Variants in MICU1 observed in about 807,000 individuals in gnomAD.
MICU1 encodes the protein mitochondrial calcium uptake 1.
MICU1 carries 45 observed loss-of-function variants against 56.8 expected under a neutral mutation model. The ratio of observed to expected loss-of-function variants is 0.79; its 90% CI spans 0.62 to 1.02. The LOEUF (loss-of-function observed/expected upper bound fraction) is 1.02, where lower values mean the gene tolerates loss of function less well. Ranked by LOEUF, MICU1 falls within the 50% of genes least tolerant of loss-of-function variation. MICU1 has a pLI of 0.00. For missense variants in MICU1, 504 were observed against 587.1 expected, an observed-to-expected ratio of 0.86 and a Z score of 1.46; for synonymous variants, 186 against 195.1, an observed-to-expected ratio of 0.95 and a Z score of 0.39.
chr10:72,593,319 G>A (rs1420423290), intron 1 of MICU1, among the ~76,000 whole-genome samples: 1 of 151,990 alleles, frequency 6.6e-6, no homozygotes, highest in African/African-American at 2.4e-5. Flanking sequence ...ACAAAAAGCA[G>A]CCAGGCGTGG....
At chr10:72,589,436 C>T (rs113613068) in intron 1 of MICU1, among the ~76,000 whole-genome samples, 3 of 152,270 alleles carry the variant, frequency 2.0e-5, no homozygotes, top group African/African-American at 7.2e-5. Flanking sequence ...GACAAGGTAA[C>T]TCAACATCAT....
At chr10:72,396,131 C>T (rs946947921) in intron 10 of MICU1, among the ~76,000 whole-genome samples, 3 of 152,166 alleles carry the variant, frequency 2.0e-5, no homozygotes, top group African/African-American at 7.2e-5. Context: ...GCTGGTGATA[C>T]CCAGGCAAAC....
intron 1 of MICU1, among the ~76,000 whole-genome samples, chr10:72,608,706 G>A (rs1328559960): frequency 2.0e-5 from 3 of 152,162 alleles, no homozygotes; most frequent in Non-Finnish European, 4.4e-5. Context: ...AACTGCCTCC[G>A]TACATATTTT....
chr10:72,622,495 GTCAGGTCAATGAAAC>G, intron 1 of MICU1, among the ~76,000 whole-genome samples: 1 of 152,312 alleles, frequency 6.6e-6, no homozygotes, highest in South Asian at 2.1e-4. Flanking sequence ...AAAGACCCAA[GTCAGGTCAATGAAAC>G]TACCATACAG....
chr10:72,434,182 T>C (rs1056876549), intron 8 of MICU1, among the ~76,000 whole-genome samples: 1 of 152,108 alleles, frequency 6.6e-6, no homozygotes, highest in African/African-American at 2.4e-5. Context: ...TTAGAAAAAT[T>C]CTCTAGATGG....
At chr10:72,422,858 C>T (rs369280704) in intron 9 of MICU1, among the ~76,000 whole-genome samples, 12 of 40,226 alleles carry the variant, frequency 3.0e-4, no homozygotes, top group Admixed American at 9.1e-4. Context: ...TATGGGCACG[C>T]GCCACCATGC....
At chr10:72,607,378 C>T (rs1029119595) in intron 1 of MICU1, among the ~76,000 whole-genome samples, 36 of 148,268 alleles carry the variant, frequency 2.4e-4, no homozygotes, top group Admixed American at 4.8e-4. Flanking sequence ...CAGTGGCTCA[C>T]GCCTGTAATC....
intron 8 of MICU1, among the ~76,000 whole-genome samples, chr10:72,425,496 T>G (rs2132143038): frequency 6.6e-6 from 1 of 152,328 alleles, no homozygotes; most frequent in East Asian, 1.9e-4. Context: ...AATTCCAAGA[T>G]TAGCATTTTT....
chr10:72,625,310 T>C (rs566950796), intron 1 of MICU1, among the ~76,000 whole-genome samples: 18 of 152,270 alleles, frequency 1.2e-4, no homozygotes, highest in African/African-American at 4.1e-4. Flanking sequence ...AATTGGAAGG[T>C]AAAGAAACCA....
At chr10:72,592,560 G>T (rs952095442) in intron 1 of MICU1, among the ~76,000 whole-genome samples, 12 of 152,028 alleles carry the variant, frequency 7.9e-5, no homozygotes, top group Non-Finnish European at 1.2e-4. Flanking sequence ...ATGAATACTG[G>T]TGTAAAAATC....
intron 1 of MICU1, among the ~76,000 whole-genome samples, chr10:72,574,850 T>C (rs1359347707): frequency 1.3e-5 from 2 of 152,088 alleles, no homozygotes; most frequent in Admixed American, 6.6e-5. Flanking sequence ...CCCAAAGCCA[T>C]TGCTGTTGTT....
At position 72,512,100 on chromosome 10, in the gene MICU1, G is replaced by GTTTTTTTTTTTTTTTTTTTTT. The variant is rs1199987987; in HGVS notation, c.538-3832_538-3831insAAAAAAAAAAAAAAAAAAAAA. On this transcript the variant is annotated intron_variant, in intron 5 of 11. Coordinates refer to ENST00000361114, the MANE Select transcript of MICU1 (RefSeq NM_001195518.2). ...ATCAATCTGGCATCCATACACAGTT[G>GTTTTTTTTTTTTTTTTTTTTT]TTTTTTGTTTTTTTTTTTTTTTTTT... 1.9e-4 allele frequency among the ~76,000 whole-genome samples: 16 copies of GTTTTTTTTTTTTTTTTTTTTT among 82,338 alleles called. 6 individuals are homozygous for GTTTTTTTTTTTTTTTTTTTTT. Among genetic ancestry groups the GTTTTTTTTTTTTTTTTTTTTT allele is most frequent in the African/African-American group, 6.4e-4 (11 of 17,242 alleles). 54.0% of individuals were successfully genotyped at this position (82,338 alleles called of 152,430 possible). A position where few individuals can be genotyped will look rare whatever the true frequency, so the allele number is the denominator to read the frequency against.
chr10:72,370,107 GACCTCAT>G, intron 11 of MICU1, among the ~76,000 whole-genome samples: 1 of 152,124 alleles, frequency 6.6e-6, no homozygotes, highest in South Asian at 2.1e-4. Flanking sequence ...TCAATCTCCT[GACCTCAT>G]GATCCGCCCA....
At chr10:72,400,866 TAC>T (rs61091649) in intron 10 of MICU1, among the ~76,000 whole-genome samples, 5,313 of 141,466 alleles carry the variant, frequency 0.038, 91 homozygotes, top group South Asian at 0.074. Flanking sequence ...CTGGTGGTGC[TAC>T]ACACACACAC....
rs546809311 is a variant in MICU1 at position 72,495,734 on chromosome 10, T to C, written c.652+12421A>G. Reference sequence around the variant, plus strand: ...ATTTTTGTGACTTAACCTATGCTAATGACACTCTTTAGATGTGACTAAGTT... The same window carrying C: ...ATTTTTGTGACTTAACCTATGCTAACGACACTCTTTAGATGTGACTAAGTT... On this transcript the variant is annotated intron_variant, in intron 6 of 11. Transcript: ENST00000361114. 4.0e-5 allele frequency among the ~76,000 whole-genome samples: 6 copies of C among 151,498 alleles called. No individual in the cohort carries two copies. The East Asian group carries it at 1.2e-3, about 29-fold the overall frequency.
At chr10:72,462,238 C>G (rs1865660633) in intron 8 of MICU1, among the ~76,000 whole-genome samples, 1 of 145,428 alleles carries the variant, frequency 6.9e-6, no homozygotes, top group Admixed American at 6.9e-5. Context: ...TTTTTTTGAG[C>G]CAGGGTCTTA....
chr10:72,371,748 G>C (rs555805233), intron 11 of MICU1, among the ~76,000 whole-genome samples: 2 of 150,006 alleles, frequency 1.3e-5, no homozygotes, highest in African/African-American at 4.9e-5. Flanking sequence ...CCATCTCAAA[G>C]AAAAAAATAT....
chr10:72,421,555 G>A (rs1286484704), intron 9 of MICU1, among the ~76,000 whole-genome samples: 1 of 152,170 alleles, frequency 6.6e-6, no homozygotes, highest in Admixed American at 6.5e-5. Flanking sequence ...GATTACAGGC[G>A]TGAGCCACCG....
Position 72,475,564 on chromosome 10 carries a change from G to A in MICU1, c.736-267C>T, listed in dbSNP as rs1056974569. On this transcript the variant is annotated intron_variant, in intron 7 of 11. Coordinates refer to ENST00000361114, the MANE Select transcript of MICU1 (RefSeq NM_001195518.2). ...ATGCCTCAGCCTCCTGAGTAGCTGG[G>A]ACTATAGGTACACACCATCATGCCT... is the stretch of plus-strand genomic sequence containing the variant. Among the ~76,000 whole-genome samples the A allele has an allele frequency of 3.9e-5, 6 of 152,028 alleles. No homozygotes were observed. In the East Asian group the frequency reaches 1.2e-3, roughly 30 times the overall value.
Sources: gnomAD v4.1 joint callset for allele counts (sites outside exome capture counted in the v4.1 genomes callset) on GRCh38, gnomAD v4.1.1 for gene constraint, MANE v1.5 for transcripts, NCBI Gene and HGNC (gene_info 2026-07-23, HGNC 2026-07-21) for gene names.